The following AGRN variants were observed in gnomAD, a reference collection of about 807,000 sequenced individuals.
The protein encoded by AGRN is agrin.
In AGRN, 106 loss-of-function variants were observed where a neutral mutation model predicts 211.0. That is an observed-to-expected ratio of 0.50 (90% CI 0.43 to 0.59). AGRN has a LOEUF of 0.59. Ranked by LOEUF, AGRN falls within the 20% of genes least tolerant of loss-of-function variation. The probability of loss-of-function intolerance (pLI) is 0.00; values close to 1 mark genes in which losing one functional copy is unlikely to be tolerated. For missense variants in AGRN, 3,040 were observed against 2,982.6 expected (o/e 1.02, Z -0.45); for synonymous variants, 1,525 against 1,332.5 (o/e 1.14, Z -3.15).
chr1:1,042,575 C>T (rs988719041), intron 7 of AGRN, among the ~76,000 whole-genome samples: 5 of 152,154 alleles, frequency 3.3e-5, no homozygotes, highest in African/African-American at 7.2e-5. Flanking sequence ...CAGTGGCCGT[C>T]GTGTCCCGTC....
At chr1:1,028,109 G>A (rs572667180) in intron 2 of AGRN, among the ~76,000 whole-genome samples, 2 of 152,266 alleles carry the variant, frequency 1.3e-5, no homozygotes, top group South Asian at 2.1e-4. Context: ...GCACCTCCAC[G>A]GGGCTTCCCA....
rs3128097 is a variant in AGRN at position 1,045,080 on chromosome 1, G to A, written c.2255-81G>A. ...GGGACGGCTGAGTGGTGACAGTGGGGGTAGGTGGAGGCAGACTGGCTGGGT... is the reference window on the plus strand; with the variant it reads ...GGGACGGCTGAGTGGTGACAGTGGGAGTAGGTGGAGGCAGACTGGCTGGGT... On this transcript the variant is annotated intron_variant, in intron 12 of 35. Transcript: ENST00000379370. 1,339,415 of 1,443,550 alleles carry A rather than the reference G, an allele frequency of 0.93. 622,507 individuals carry two copies. Among genetic ancestry groups the A allele is most frequent in the East Asian group, 1 (44,002 of 44,008 alleles). The allele number at this position is 1,443,550 out of a possible 1,614,324, so 89.4% of individuals were successfully genotyped here.
Position 1,044,352 on chromosome 1 carries a change from G to T in AGRN, c.2167G>T (p.Val723Phe), listed in dbSNP as rs754020786. Residue 723 changes from valine (V) to phenylalanine (F), a missense_variant, in exon 12 of 36, where the codon GTC (valine) becomes TTC (phenylalanine). This residue lies in a region of AGRN where 1,498 missense variants were observed against 1,457.8 expected (regional missense o/e 1.03). Transcript: ENST00000379370. ...CCTCCAGGTGTGCGGCTCAGATGGG[G>T]TCACCTACAGCACCGAGTGTGAGCT... ...PGSPVCGSDG[V>F]TYSTECELKK... 5 of 1,612,680 alleles carry T rather than the reference G, an allele frequency of 3.1e-6. No individual in the cohort carries two copies. Among genetic ancestry groups the T allele is most frequent in the East Asian group, 2.2e-5 (1 of 44,890 alleles).
At position 1,048,434 on chromosome 1, in the gene AGRN, A is replaced by C. The variant is rs1056187212; in HGVS notation, c.4105+69A>C. 2.3e-4 allele frequency: 277 copies of C among 1,220,030 alleles called. No individual in the cohort carries two copies. Among genetic ancestry groups the C allele is most frequent in the Middle Eastern group, 2.8e-4 (1 of 3,524 alleles). The allele number at this position is 1,220,030 out of a possible 1,614,324, so 75.6% of individuals were successfully genotyped here. A position where few individuals can be genotyped will look rare whatever the true frequency, so the allele number is the denominator to read the frequency against. ...GGGGGCAAGGATTGGGGGTGGGGCT[A>C]AGCCACCATCAGGCTTTGAGTTGGG... On this transcript the variant is annotated intron_variant, in intron 23 of 35. Transcript: ENST00000379370. The surrounding 1 kb of genome is among the most constrained non-coding windows in gnomAD (Gnocchi z 5.9).
chr1:1,054,913 C>T lies in AGRN; in HGVS notation c.6070C>T (p.Arg2024Trp), dbSNP rs1183244815. ...CTGCTTGCGGGACGTGGTGGTGGGC[C>T]GGCACCCGCTGCACCTGCTGGAGGA... Reference protein sequence around the residue: ...VGCLRDVVVGRHPLHLLEDAV... With the variant: ...VGCLRDVVVGWHPLHLLEDAV... The change falls in exon 36 of 36, where the codon CGG becomes TGG. Residue 2024 changes from arginine to tryptophan, a missense_variant. Coordinates refer to ENST00000379370, the MANE Select transcript of AGRN (RefSeq NM_198576.4). 8.4e-6 allele frequency: 13 copies of T among 1,548,630 alleles called. No homozygotes were observed. Among genetic ancestry groups the T allele is most frequent in the East Asian group, 4.9e-5 (2 of 41,004 alleles).
In AGRN at chr1:1,020,158, C is replaced by T; in HGVS notation, c.-15C>T. 7.7e-7 allele frequency: 1 copy of T among 1,294,598 alleles called. No homozygotes were observed. The highest frequency in any genetic ancestry group is 9.9e-7 in the Non-Finnish European group (1 of 1,012,030). 80.2% of individuals were successfully genotyped at this position (1,294,598 alleles called of 1,614,324 possible). The stretch of plus-strand genomic sequence containing the variant: ...GCGCGGCCCGCGCGCTCCTCCGCCG[C>T]CTCTCGCCTGCGCCATGGCCGGCCG... On this transcript the variant is annotated 5_prime_UTR_variant, in exon 1 of 36. Coordinates refer to ENST00000379370, the MANE Select transcript of AGRN (RefSeq NM_198576.4).
rs143143061 is a variant in AGRN, at chr1:1,050,525, C to T, written c.5075C>T (p.Ser1692Leu). 146 of 1,612,808 alleles carry T rather than the reference C, an allele frequency of 9.1e-5. 1 individual carries two copies. In the East Asian group the frequency reaches 2.6e-3, roughly 29 times the overall value. Residue 1692 changes from serine (S) to leucine (L), a missense_variant, in exon 29 of 36, where the codon TCG becomes TTG. Ser to Leu is a moderately radical substitution (Grantham distance 145). This residue lies in a region of AGRN where 1,537 missense variants were observed against 1,505.0 expected (regional missense o/e 1.02). Coordinates refer to ENST00000379370, the MANE Select transcript of AGRN (RefSeq NM_198576.4). Reference protein sequence around the residue: ...QKTDGKGDFVSLALRDRRLEF... With the variant: ...QKTDGKGDFVLLALRDRRLEF... The stretch of plus-strand genomic sequence containing the variant: ...ACGGACGGCAAGGGGGACTTCGTGT[C>T]GCTGGCACTGCGGGACCGCCGCCTG...
intron 3 of AGRN, 41 bp from the exon 4 acceptor site, chr1:1,040,624 G>C (rs1260711734): frequency 6.5e-7 from 1 of 1,543,672 alleles, no homozygotes; most frequent in South Asian, 1.2e-5. Context: ...CGTGGGTACG[G>C]GCGTCTCGGC....
chr1:1,026,068 T>G (rs1644515323), intron 2 of AGRN, among the ~76,000 whole-genome samples: 1 of 152,052 alleles, frequency 6.6e-6, no homozygotes, highest in Admixed American at 6.6e-5. Context: ...TCTGTGGAGA[T>G]GACCTCTTTG....
intron 3 of AGRN, among the ~76,000 whole-genome samples, chr1:1,037,637 C>G (rs940557554): frequency 1.2e-4 from 19 of 152,336 alleles, no homozygotes; most frequent in African/African-American, 4.3e-4. Flanking sequence ...GGAGCTAAGA[C>G]AGGCGTGGCA....
chr1:1,051,810 C>A lies in AGRN; in HGVS notation c.5646C>A (p.Thr1882=), dbSNP rs577578019. Residue 1882 remains threonine, a synonymous_variant, in exon 33 of 36, where the codon ACC becomes ACA. Coordinates refer to ENST00000379370, the MANE Select transcript of AGRN (RefSeq NM_198576.4). ...TTGTCGAGTACCTCAACGCTGTGAC[C>A]GAGAGGTAACGTGCCATCCTCTGCT... ...RTFVEYLNAV[T]ESEKALQSNH... is the part of the protein sequence containing the mutation. 1.2e-6 allele frequency: 2 copies of A among 1,613,626 alleles called. No homozygotes were observed. Among genetic ancestry groups the A allele is most frequent in the South Asian group, 2.2e-5 (2 of 91,080 alleles).
At chr1:1,053,684 C>T (rs1294236098) in intron 33 of AGRN, 69 bp from the exon 34 acceptor site, 12 of 1,517,784 alleles carry the variant, frequency 7.9e-6, no homozygotes, top group South Asian at 1.2e-5. Flanking sequence ...GGGCCCTTGT[C>T]CTCCCGCCTC....
chr1:1,040,848 G>A lies in AGRN; in HGVS notation c.695G>A (p.Arg232His). 6.5e-7 allele frequency: 1 copy of A among 1,531,206 alleles called. No homozygotes were observed. The highest frequency in any genetic ancestry group is 8.7e-7 in the Non-Finnish European group (1 of 1,145,236). 94.9% of individuals were successfully genotyped at this position (1,531,206 alleles called of 1,614,324 possible). Residue 232 changes from arginine to histidine, a missense_variant, in exon 4 of 36, where the codon CGC becomes CAC. This residue lies in a region of AGRN where 1,498 missense variants were observed against 1,457.8 expected (regional missense o/e 1.03). Transcript: ENST00000379370. ...CAGCGGGCGCAGTGCAGCCAGCAGC[G>A]CCGCATCCGCCTGCTCAGCCGCGGG... ...ELQRAQCSQQ[R>H]RIRLLSRGPC...
In AGRN at chr1:1,048,404, A is replaced by T; in HGVS notation, c.4105+39A>T. ...CTGCAGAGGAGGGCGGGGAGGCAGC[A>T]GGGTGGGGGCAAGGATTGGGGGTGG... On this transcript the variant is annotated intron_variant, in intron 23 of 35. Transcript: ENST00000379370. This position sits in a 1 kb window ranked among gnomAD's most constrained non-coding sequence, Gnocchi z 5.9. The T allele has an allele frequency of 1.2e-4, 93 of 770,304 alleles. No individual in the cohort carries two copies. Among genetic ancestry groups the T allele is most frequent in the Middle Eastern group, 3.5e-4 (1 of 2,848 alleles). The allele number at this position is 770,304 out of a possible 1,614,324, so 47.7% of individuals were successfully genotyped here.
At chr1:1,052,547 G>A (rs1026640993) in intron 33 of AGRN, 1 of 219,210 alleles carries the variant, frequency 4.6e-6, no homozygotes, top group Admixed American at 5.3e-5. Context: ...GTCCATGTAT[G>A]TGTGTGTATA....
rs972207653 is a variant in AGRN, at chr1:1,055,998, C to T, written c.*1017C>T. On this transcript the variant is annotated 3_prime_UTR_variant, in exon 36 of 36. Transcript: ENST00000379370. ...TCCCATCCCCACCCCCAGCCCCAGC[C>T]CAGTCCTCCTAGGAGCAGGACCCGA... is the stretch of plus-strand genomic sequence containing the variant. The T allele has an allele frequency of 3.3e-5, 5 of 152,308 alleles. No homozygotes were observed. The highest frequency in any genetic ancestry group is 9.6e-5 in the African/African-American group (4 of 41,468). 9.4% of individuals were successfully genotyped at this position (152,308 alleles called of 1,614,324 possible).
intron 1 of AGRN, 151 bp from the exon 2 acceptor site, chr1:1,022,050 C>A: frequency 2.0e-6 from 2 of 979,298 alleles, no homozygotes; most frequent in Non-Finnish European, 3.1e-6. Flanking sequence ...CTTCCCCCAG[C>A]TTCCGCCCAG....
chr1:1,024,409 AG>A (rs1429482454), intron 2 of AGRN, among the ~76,000 whole-genome samples: 2 of 151,834 alleles, frequency 1.3e-5, no homozygotes, highest in East Asian at 3.9e-4. Context: ...CACCCTAGTG[AG>A]GGGGATGGAT....
chr1:1,051,962 G>A lies in AGRN; in HGVS notation c.5651+147G>A, dbSNP rs112584323. On this transcript the variant is annotated intron_variant, in intron 33 of 35. Coordinates refer to ENST00000379370, the MANE Select transcript of AGRN (RefSeq NM_198576.4). Reference sequence around the variant, plus strand: ...CTCTCTCTCACCTCCCGGTCCTCCCGCCTCTCACTGTCTGTCTCTTTGTTT... The same window carrying A: ...CTCTCTCTCACCTCCCGGTCCTCCCACCTCTCACTGTCTGTCTCTTTGTTT... The A allele has an allele frequency of 7.2e-5, 111 of 1,547,420 alleles. No homozygotes were observed. The African/African-American group carries it at 9.6e-4, about 13-fold the overall frequency.
Sources: allele counts gnomAD v4.1 joint callset (sites outside exome capture counted in the v4.1 genomes callset), GRCh38; gene constraint gnomAD v4.1.1; regional missense constraint gnomAD v4.1.1; non-coding constraint Gnocchi (gnomAD v3.1); transcripts MANE v1.5; gene names NCBI Gene and HGNC (gene_info 2026-07-23, HGNC 2026-07-21).